The following SKAP2 variants were observed in gnomAD, a reference collection of about 807,000 sequenced individuals.
SKAP2 encodes the protein src kinase associated phosphoprotein 2.
In SKAP2, 28 loss-of-function variants were observed where a neutral mutation model predicts 54.9. That is an observed-to-expected ratio of 0.51 (90% CI 0.38 to 0.70). The LOEUF is 0.70. Among genes scored for constraint, SKAP2 ranks in the 30% least tolerant of loss-of-function variants. SKAP2 has a pLI of 0.00. For missense variants in SKAP2, 356 were observed against 424.1 expected, an observed-to-expected ratio of 0.84 and a Z score of 1.41; for synonymous variants, 137 against 134.3, an observed-to-expected ratio of 1.02 and a Z score of -0.14.
At chr7:26,746,837 T>C (rs1782569434) in intron 4 of SKAP2, among the ~76,000 whole-genome samples, 1 of 152,168 alleles carries the variant, frequency 6.6e-6, no homozygotes, top group Non-Finnish European at 1.5e-5. Context: ...AATGTGGAAA[T>C]TGCTCACAAC....
intron 10 of SKAP2, among the ~76,000 whole-genome samples, chr7:26,689,715 A>G (rs962625774): frequency 4.6e-5 from 7 of 152,230 alleles, no homozygotes; most frequent in Non-Finnish European, 1.0e-4. Context: ...GCTGCAGATC[A>G]ATTAGCAGTC....
chr7:26,754,400 GAAA>G (rs59696790), intron 4 of SKAP2, among the ~76,000 whole-genome samples: 5 of 135,302 alleles, frequency 3.7e-5, no homozygotes, highest in African/African-American at 1.4e-4. Flanking sequence ...TTCAAGATGT[GAAA>G]AAAAAAAAAA....
Position 26,713,099 on chromosome 7 carries a change from G to T in SKAP2, c.796+12329C>A, listed in dbSNP as rs568279087. On this transcript the variant is annotated intron_variant, in intron 9 of 12. Coordinates refer to ENST00000345317, the MANE Select transcript of SKAP2 (RefSeq NM_003930.5). ...AATCTCATTTTAACCTCTCTGCCTG[G>T]CTACATATGGCCCTCCTTTCTGGTT... Among the ~76,000 whole-genome samples, 4 of 152,290 alleles carry T rather than the reference G, an allele frequency of 2.6e-5. No individual in the cohort carries two copies. In the South Asian group the frequency reaches 8.3e-4, roughly 32 times the overall value.
intron 4 of SKAP2, among the ~76,000 whole-genome samples, chr7:26,813,581 T>C (rs1235441956): frequency 6.6e-6 from 1 of 152,220 alleles, no homozygotes; most frequent in Non-Finnish European, 1.5e-5. Context: ...TCTAATCAAA[T>C]AGCCCAGCTC....
chr7:26,726,617 G>A (rs184279259), intron 7 of SKAP2: 203 of 286,710 alleles, frequency 7.1e-4, no homozygotes, highest in Admixed American at 1.8e-3. Flanking sequence ...GATCACCTAT[G>A]TTCTATGCAA....
At chr7:26,832,562 A>G (rs911566075) in intron 4 of SKAP2, among the ~76,000 whole-genome samples, 1 of 152,142 alleles carries the variant, frequency 6.6e-6, no homozygotes, top group Non-Finnish European at 1.5e-5. Context: ...ATGCTGGTGC[A>G]TGCCTGTAGT....
At chr7:26,705,260 G>A (rs1008018130) in intron 9 of SKAP2, among the ~76,000 whole-genome samples, 1 of 152,114 alleles carries the variant, frequency 6.6e-6, no homozygotes, top group South Asian at 2.1e-4. Flanking sequence ...TAAAATAAAT[G>A]TTATGCCATA....
At chr7:26,860,125 TTC>T (rs1336295615) in intron 1 of SKAP2, among the ~76,000 whole-genome samples, 3 of 152,208 alleles carry the variant, frequency 2.0e-5, no homozygotes, top group Non-Finnish European at 4.4e-5. Flanking sequence ...GTTTAGATTC[TTC>T]TTTTTGAAGA....
chr7:26,793,959 G>C (rs375163631), intron 4 of SKAP2, among the ~76,000 whole-genome samples: 2 of 152,170 alleles, frequency 1.3e-5, no homozygotes, highest in East Asian at 1.9e-4. Context: ...AGAAATCAAA[G>C]CCAGAGTAAG....
intron 4 of SKAP2, among the ~76,000 whole-genome samples, chr7:26,809,776 A>T (rs1784102302): frequency 6.6e-6 from 1 of 152,194 alleles, no homozygotes. Flanking sequence ...AAGATACAAA[A>T]TCAGTATGTC....
At chr7:26,754,861 T>C (rs959137200) in intron 4 of SKAP2, among the ~76,000 whole-genome samples, 1 of 152,222 alleles carries the variant, frequency 6.6e-6, no homozygotes, top group African/African-American at 2.4e-5. Flanking sequence ...ATCTGTAGTT[T>C]GCTCATAAAT....
chr7:26,748,239 T>C (rs2127965281), intron 4 of SKAP2, among the ~76,000 whole-genome samples: 1 of 152,268 alleles, frequency 6.6e-6, no homozygotes, highest in South Asian at 2.1e-4. Flanking sequence ...AATAAACCAC[T>C]AGTTATCACA....
At chr7:26,727,499 T>C (rs1251061266) in intron 6 of SKAP2, among the ~76,000 whole-genome samples, 5 of 151,982 alleles carry the variant, frequency 3.3e-5, no homozygotes, top group African/African-American at 9.7e-5. Context: ...AATTTATCTC[T>C]AACCTTACAA....
chr7:26,772,351 T>G (rs1284844439), intron 4 of SKAP2, among the ~76,000 whole-genome samples: 2 of 152,228 alleles, frequency 1.3e-5, no homozygotes, highest in Admixed American at 1.3e-4. Context: ...TAGTACCCAA[T>G]AGGTAGTTTT....
intron 9 of SKAP2, among the ~76,000 whole-genome samples, chr7:26,701,603 G>A (rs988168596): frequency 1.3e-5 from 2 of 151,898 alleles, no homozygotes; most frequent in Non-Finnish European, 2.9e-5. Flanking sequence ...TGTGGTGGTG[G>A]GCACCTGTAA....
At chr7:26,846,552 T>C (rs557701855) in intron 3 of SKAP2, among the ~76,000 whole-genome samples, 1 of 152,304 alleles carries the variant, frequency 6.6e-6, no homozygotes, top group Admixed American at 6.5e-5. Context: ...ACTAAAGCTA[T>C]AAACTCAAAG....
intron 4 of SKAP2, among the ~76,000 whole-genome samples, chr7:26,763,544 A>T (rs1023712): frequency 6.6e-6 from 1 of 151,984 alleles, no homozygotes; most frequent in African/African-American, 2.4e-5. Context: ...ATAGATAATA[A>T]GTATCTCACA....
chr7:26,713,024 G>A (rs1009346698), intron 9 of SKAP2, among the ~76,000 whole-genome samples: 1 of 152,198 alleles, frequency 6.6e-6, no homozygotes, highest in African/African-American at 2.4e-5. Flanking sequence ...ATGGGGCTGT[G>A]ATTCTGTTCT....
At chr7:26,784,150 G>A (rs955187029) in intron 4 of SKAP2, among the ~76,000 whole-genome samples, 5 of 150,934 alleles carry the variant, frequency 3.3e-5, no homozygotes, top group Non-Finnish European at 5.9e-5. Context: ...TTATGTAAAC[G>A]AGTCTCATCA....
Sources: gnomAD v4.1 joint callset for allele counts (sites outside exome capture counted in the v4.1 genomes callset) on GRCh38, gnomAD v4.1.1 for gene constraint, MANE v1.5 for transcripts, NCBI Gene and HGNC (gene_info 2026-07-23, HGNC 2026-07-21) for gene names.